AGTR1: variants seen among roughly 807,000 people sequenced by gnomAD.
AGTR1 encodes the protein angiotensin II receptor type 1.
A neutral mutation model predicts 19.4 loss-of-function variants in AGTR1; 16 were observed. The observed-to-expected ratio is 0.82, with a 90% CI of 0.56 to 1.25. The LOEUF (loss-of-function observed/expected upper bound fraction) is 1.25, where lower values mean the gene tolerates loss of function less well. Among genes scored for constraint, AGTR1 ranks in the 50% most tolerant of loss-of-function variants. The pLI is 0.00. For synonymous variants in AGTR1, 153 were observed against 154.9 expected (o/e 0.99, Z 0.09); for missense variants, 373 against 431.9 (o/e 0.86, Z 1.21).
At chr3:148,740,121 T>C (rs1443323451) in intron 2 of AGTR1, among the ~76,000 whole-genome samples, 1 of 152,262 alleles carries the variant, frequency 6.6e-6, no homozygotes, top group Admixed American at 6.5e-5. Context: ...TGCAGCCCAT[T>C]CTTGAGCATC....
In AGTR1 at chr3:148,716,967, AAAAAAT is replaced by A. The variant is rs1019015284; in HGVS notation, c.-48+8956_-48+8961del. On this transcript the variant is annotated intron_variant, in intron 2 of 2. Transcript: ENST00000349243. The surrounding 1 kb of genome is among the most constrained non-coding windows in gnomAD (Gnocchi z 4.7). The stretch of plus-strand genomic sequence containing the variant: ...TCTCAATGGCACAGTCTCCTTATTC[AAAAAAT>A]AAAAATAAAAATAAATCTCAAGTCC... Among the ~76,000 whole-genome samples the A allele has an allele frequency of 2.6e-5, 4 of 152,268 alleles. No homozygotes were observed. The highest frequency in any genetic ancestry group is 5.9e-5 in the Non-Finnish European group (4 of 68,020).
At chr3:148,711,599 C>T (rs948004665) in intron 2 of AGTR1, among the ~76,000 whole-genome samples, 1 of 151,952 alleles carries the variant, frequency 6.6e-6, no homozygotes, top group East Asian at 1.9e-4. Context: ...CTTTAGGAAA[C>T]ATGTGTACTC....
Position 148,741,014 on chromosome 3 carries a change from A to G in AGTR1, c.-22A>G. 6.2e-7 allele frequency: 1 copy of G among 1,613,634 alleles called. No homozygotes were observed. The highest frequency in any genetic ancestry group is 8.5e-7 in the Non-Finnish European group (1 of 1,179,884). On this transcript the variant is annotated 5_prime_UTR_variant, in exon 3 of 3. Transcript: ENST00000349243. ...GTGTATTTGATATAGTGTTTGCAAC[A>G]AATTCGACCCAGGTGATCAAAATGA...
chr3:148,704,444 T>C (rs1248996478), intron 1 of AGTR1, among the ~76,000 whole-genome samples: 2 of 152,144 alleles, frequency 1.3e-5, no homozygotes, highest in East Asian at 3.9e-4. Flanking sequence ...GTTTACTTTT[T>C]GGTGCTCTCA....
At chr3:148,704,865 T>G (rs1448100932) in intron 1 of AGTR1, among the ~76,000 whole-genome samples, 1 of 152,134 alleles carries the variant, frequency 6.6e-6, no homozygotes, top group Non-Finnish European at 1.5e-5. Context: ...TTGAGAAAAT[T>G]TGTAGGAGAT....
intron 2 of AGTR1, among the ~76,000 whole-genome samples, chr3:148,710,527 T>G (rs1712921345): frequency 6.6e-6 from 1 of 152,156 alleles, no homozygotes; most frequent in Non-Finnish European, 1.5e-5. Context: ...TCCTTACTCA[T>G]TACCTTCTGT....
chr3:148,738,090 C>A (rs535654492), intron 2 of AGTR1, among the ~76,000 whole-genome samples: 145 of 152,192 alleles, frequency 9.5e-4, no homozygotes, highest in Middle Eastern at 6.8e-3. Context: ...TAATAAAATT[C>A]TACTCACTCC....
At chr3:148,727,128 G>A (rs980186690) in intron 2 of AGTR1, among the ~76,000 whole-genome samples, 1 of 152,168 alleles carries the variant, frequency 6.6e-6, no homozygotes, top group African/African-American at 2.4e-5. Context: ...AGTCAGAAAA[G>A]CAGTTTTGTA....
At position 148,742,901 on chromosome 3, in the gene AGTR1, C is replaced by T. The variant is rs1404704929; in HGVS notation, c.*786C>T. ...TTCCTGTTTAAAAAAAGTATATATT[C>T]TACACATATATGTATATGTATATCT... On this transcript the variant is annotated 3_prime_UTR_variant, in exon 3 of 3. Transcript: ENST00000349243. 1 of 166,594 alleles carries T rather than the reference C, an allele frequency of 6.0e-6. No homozygotes were observed. Among genetic ancestry groups the T allele is most frequent in the African/African-American group, 2.4e-5 (1 of 41,294 alleles). 10.3% of individuals were successfully genotyped at this position (166,594 alleles called of 1,614,324 possible).
At chr3:148,719,059 C>A (rs971850267) in intron 2 of AGTR1, among the ~76,000 whole-genome samples, 1 of 151,982 alleles carries the variant, frequency 6.6e-6, no homozygotes, top group African/African-American at 2.4e-5. Context: ...TTTTTATTCC[C>A]TGGTGTTATG....
intron 2 of AGTR1, among the ~76,000 whole-genome samples, chr3:148,728,905 T>C (rs890316918): frequency 7.2e-5 from 11 of 152,264 alleles, no homozygotes; most frequent in African/African-American, 2.7e-4. Flanking sequence ...CATTGGCTTA[T>C]TTGAAATTTC....
intron 1 of AGTR1, among the ~76,000 whole-genome samples, chr3:148,705,556 G>A (rs982713777): frequency 5.3e-5 from 8 of 151,930 alleles, no homozygotes; most frequent in African/African-American, 1.9e-4. Context: ...GTGATTCTTG[G>A]GTAATGATTT....
chr3:148,730,690 C>T (rs1164664601), intron 2 of AGTR1, among the ~76,000 whole-genome samples: 1 of 152,172 alleles, frequency 6.6e-6, no homozygotes, highest in Non-Finnish European at 1.5e-5. Flanking sequence ...TAGTGTGTAT[C>T]AGAATTACCT....
chr3:148,710,329 G>T (rs2107933765), intron 2 of AGTR1, among the ~76,000 whole-genome samples: 1 of 152,094 alleles, frequency 6.6e-6, no homozygotes, highest in Admixed American at 6.6e-5. Flanking sequence ...AAATATATAG[G>T]ATTCAATGTT....
intron 2 of AGTR1, among the ~76,000 whole-genome samples, chr3:148,733,184 G>T (rs1432484662): frequency 6.6e-6 from 1 of 152,160 alleles, no homozygotes; most frequent in African/African-American, 2.4e-5. Flanking sequence ...CCACCAATTT[G>T]CAGGCTATCG....
intron 1 of AGTR1, among the ~76,000 whole-genome samples, chr3:148,698,580 G>T (rs1252468262): frequency 6.6e-6 from 1 of 152,124 alleles, no homozygotes; most frequent in Admixed American, 6.5e-5. Context: ...CACGCCCTCT[G>T]CTTCCCAGTC....
Position 148,741,423 on chromosome 3 carries a change from A to G in AGTR1, c.388A>G (p.Ile130Val). The G allele has an allele frequency of 6.2e-7, 1 of 1,605,998 alleles. No individual in the cohort carries two copies. The highest frequency in any genetic ancestry group is 8.5e-7 in the Non-Finnish European group (1 of 1,179,100). Residue 130 changes from isoleucine to valine, a missense_variant, in exon 3 of 3, where the codon ATT becomes GTT. Physicochemically the swap from Ile to Val is conservative, Grantham distance 29 (BLOSUM62 3). Transcript: ENST00000349243. ...TCLSIDRYLA[I>V]VHPMKSRLRR... Reference sequence around the variant, plus strand: ...TCTCAGCATTGATCGATACCTGGCTATTGTTCACCCAATGAAGTCCCGCCT... The same window carrying G: ...TCTCAGCATTGATCGATACCTGGCTGTTGTTCACCCAATGAAGTCCCGCCT...
intron 2 of AGTR1, among the ~76,000 whole-genome samples, chr3:148,724,054 AAT>A (rs200201398): frequency 1.3e-5 from 2 of 151,602 alleles, no homozygotes; most frequent in Admixed American, 6.6e-5. Context: ...TGGGTTTTAA[AAT>A]ATATATATAT....
rs369905559 is a variant in AGTR1, at chr3:148,700,945, C to A, written c.-132+2818C>A. ...TGCTTGTTAAAGCAGTATACTCAATCTCTGATAAGCAACAGTAAATTTGAT... is the reference window on the plus strand; with the variant it reads ...TGCTTGTTAAAGCAGTATACTCAATATCTGATAAGCAACAGTAAATTTGAT... On this transcript the variant is annotated intron_variant, in intron 1 of 2. Coordinates refer to ENST00000349243, the MANE Select transcript of AGTR1 (RefSeq NM_000685.5). 4.6e-5 allele frequency among the ~76,000 whole-genome samples: 7 copies of A among 152,308 alleles called. No individual in the cohort carries two copies. In the East Asian group the frequency reaches 1.2e-3, roughly 25 times the overall value.
Sources: gnomAD v4.1 joint callset for allele counts (sites outside exome capture counted in the v4.1 genomes callset) on GRCh38, gnomAD v4.1.1 for gene constraint, Gnocchi (gnomAD v3.1) non-coding constraint, MANE v1.5 for transcripts, NCBI Gene and HGNC (gene_info 2026-07-23, HGNC 2026-07-21) for gene names.